EPSTI1: variants seen among roughly 807,000 people sequenced by gnomAD.
EPSTI1 encodes epithelial-stromal interaction protein 1.
In EPSTI1, 66 loss-of-function variants were observed where a neutral mutation model predicts 49.9. The ratio of observed to expected loss-of-function variants is 1.32; its 90% confidence interval spans 1.08 to 1.62. The LOEUF is 1.62. Ranked by LOEUF, EPSTI1 falls within the 40% of genes most tolerant of loss-of-function variation. The pLI, the probability that EPSTI1 is intolerant of heterozygous loss-of-function variation, is 0.00. For missense variants in EPSTI1, 394 were observed against 365.5 expected (o/e 1.08, Z -0.64); for synonymous variants, 137 against 130.7 (o/e 1.05, Z -0.33).
intron 6 of EPSTI1, among the ~76,000 whole-genome samples, chr13:42,952,906 ATAC>A (rs1298510754): frequency 6.6e-6 from 1 of 152,218 alleles, no homozygotes; most frequent in Non-Finnish European, 1.5e-5. Flanking sequence ...AAATCAGAAG[ATAC>A]TGTGCTTAGA....
At chr13:42,921,979 A>G (rs1177600339) in intron 7 of EPSTI1, among the ~76,000 whole-genome samples, 1 of 152,258 alleles carries the variant, frequency 6.6e-6, no homozygotes, top group Non-Finnish European at 1.5e-5. Flanking sequence ...AGACAGTCAA[A>G]TGTTCAAAGG....
chr13:42,938,303 A>T (rs2153424802), intron 6 of EPSTI1, among the ~76,000 whole-genome samples: 1 of 152,250 alleles, frequency 6.6e-6, no homozygotes, highest in East Asian at 1.9e-4. Flanking sequence ...AATATTTTGA[A>T]AGGAATCTTT....
At chr13:42,892,993 CAA>C (rs1194919864) in intron 10 of EPSTI1, among the ~76,000 whole-genome samples, 1 of 152,102 alleles carries the variant, frequency 6.6e-6, no homozygotes, top group African/African-American at 2.4e-5. Context: ...GGCGATCAGT[CAA>C]AAGAGGAAGA....
intron 1 of EPSTI1, among the ~76,000 whole-genome samples, chr13:42,979,110 T>C (rs989053279): frequency 1.3e-5 from 2 of 152,210 alleles, no homozygotes; most frequent in Non-Finnish European, 2.9e-5. Context: ...TTCATTAAAT[T>C]ATGTATTAAC....
intron 5 of EPSTI1, among the ~76,000 whole-genome samples, chr13:42,956,111 A>C (rs17063906): frequency 0.024 from 3,716 of 152,292 alleles, 101 homozygotes; most frequent in African/African-American, 0.064. Flanking sequence ...GTTTGCAAAT[A>C]ACAGTAAGAA....
intron 2 of EPSTI1, 52 bp from the exon 3 acceptor site, chr13:42,969,229 A>C (rs1459770994): frequency 6.4e-7 from 1 of 1,556,478 alleles, no homozygotes; most frequent in Admixed American, 1.7e-5. Flanking sequence ...TCTAAAAGAA[A>C]ACCAGTCCCT....
At chr13:42,892,642 G>A (rs1326024703) in intron 10 of EPSTI1, among the ~76,000 whole-genome samples, 1 of 152,152 alleles carries the variant, frequency 6.6e-6, no homozygotes, top group Non-Finnish European at 1.5e-5. Context: ...GTAGGCAACT[G>A]GGTACACAAG....
chr13:42,903,466 G>A (rs539654394), intron 8 of EPSTI1, among the ~76,000 whole-genome samples: 1 of 152,222 alleles, frequency 6.6e-6, no homozygotes, highest in East Asian at 1.9e-4. Flanking sequence ...TATTACCTAG[G>A]TACTGGGTTG....
intron 7 of EPSTI1, among the ~76,000 whole-genome samples, chr13:42,924,598 G>A (rs1472754870): frequency 1.3e-5 from 2 of 152,126 alleles, no homozygotes; most frequent in Non-Finnish European, 2.9e-5. Flanking sequence ...CTCCCTGACA[G>A]CCACAAGGAT....
At chr13:42,978,415 A>T (rs960240794) in intron 1 of EPSTI1, among the ~76,000 whole-genome samples, 2 of 152,156 alleles carry the variant, frequency 1.3e-5, no homozygotes, top group African/African-American at 4.8e-5. Flanking sequence ...AAACAGTTGC[A>T]TTCTTTTGAG....
At chr13:42,918,519 CT>C (rs1370867968) in intron 7 of EPSTI1, among the ~76,000 whole-genome samples, 1 of 152,146 alleles carries the variant, frequency 6.6e-6, no homozygotes, top group Non-Finnish European at 1.5e-5. Context: ...CTGGTTCCCC[CT>C]TTTTCCAGCC....
intron 9 of EPSTI1, among the ~76,000 whole-genome samples, chr13:42,897,383 A>G (rs1331955354): frequency 1.3e-5 from 2 of 152,278 alleles, no homozygotes; most frequent in Middle Eastern, 3.4e-3. Context: ...TTGATTGTTG[A>G]CTTCCATTTC....
At chr13:42,953,336 C>T (rs2039159673) in intron 6 of EPSTI1, among the ~76,000 whole-genome samples, 1 of 151,576 alleles carries the variant, frequency 6.6e-6, no homozygotes, top group African/African-American at 2.4e-5. Context: ...TCTATTTCTA[C>T]CACATTTAGA....
At chr13:42,909,686 C>G (rs188083306) in intron 8 of EPSTI1, among the ~76,000 whole-genome samples, 31 of 152,094 alleles carry the variant, frequency 2.0e-4, no homozygotes, top group African/African-American at 6.5e-4. Flanking sequence ...CACAGAAAGA[C>G]AAATACCACA....
At chr13:42,989,567 C>CTTTCTTTTT (rs2040150612) in intron 1 of EPSTI1, among the ~76,000 whole-genome samples, 6 of 79,022 alleles carry the variant, frequency 7.6e-5, no homozygotes, top group Admixed American at 4.8e-4. Context: ...CCTCTTTTTT[C>CTTTCTTTTT]TTTTTTTTTT....
chr13:42,915,621 G>A (rs2037809219), intron 8 of EPSTI1, among the ~76,000 whole-genome samples: 1 of 152,178 alleles, frequency 6.6e-6, no homozygotes, highest in African/African-American at 2.4e-5. Flanking sequence ...AGAATAGATG[G>A]ATAAGTATCC....
In EPSTI1 at chr13:42,968,954, A is replaced by ACACACACAC. The variant is rs5803160; in HGVS notation, c.331+139_331+140insGTGTGTGTG. On this transcript the variant is annotated intron_variant, in intron 3 of 10. Transcript: ENST00000313624. ...CACACACACACACACACACACACAC[A>ACACACACAC]ATTAAATGCATTCCACCCAAGCAGC... 3,867 of 540,132 alleles carry ACACACACAC rather than the reference A, an allele frequency of 7.2e-3. 277 individuals carry two copies. The highest frequency in any genetic ancestry group is 0.047 in the African/African-American group (2,144 of 45,960). 33.5% of individuals were successfully genotyped at this position (540,132 alleles called of 1,614,324 possible).
intron 10 of EPSTI1, among the ~76,000 whole-genome samples, chr13:42,893,067 C>A (rs889147265): frequency 3.3e-5 from 5 of 152,114 alleles, no homozygotes; most frequent in African/African-American, 9.7e-5. Context: ...AAAGAACATT[C>A]TTTTTGATGG....
chr13:42,955,127 G>T (rs191132694), intron 5 of EPSTI1, among the ~76,000 whole-genome samples: 1 of 152,234 alleles, frequency 6.6e-6, no homozygotes, highest in Admixed American at 6.5e-5. Context: ...CAAGCAACTG[G>T]ATTATTAATG....
Sources: allele counts gnomAD v4.1 joint callset (sites outside exome capture counted in the v4.1 genomes callset), GRCh38; gene constraint gnomAD v4.1.1; transcripts MANE v1.5; gene names NCBI Gene and HGNC (gene_info 2026-07-23, HGNC 2026-07-21).